NME5: variants seen among roughly 807,000 people sequenced by gnomAD.
NME5 encodes the protein NME/NM23 family member 5, also known as nucleoside diphosphate kinase 5.
A neutral mutation model predicts 21.6 loss-of-function variants in NME5; 18 were observed. The ratio of observed to expected loss-of-function variants is 0.83; its 90% CI spans 0.58 to 1.24. The LOEUF (loss-of-function observed/expected upper bound fraction) is 1.24, where lower values mean the gene tolerates loss of function less well. NME5 is among the 50% of genes most tolerant of loss of function. The probability of loss-of-function intolerance (pLI) is 0.00; values close to 1 mark genes in which losing one functional copy is unlikely to be tolerated. For synonymous variants in NME5, 70 were observed against 80.6 expected, an observed-to-expected ratio of 0.87 and a Z score of 0.71; for missense variants, 223 against 255.4, an observed-to-expected ratio of 0.87 and a Z score of 0.86.
At chr5:138,131,092 C>T (rs778479753) in intron 2 of NME5, among the ~76,000 whole-genome samples, 19 of 148,092 alleles carry the variant, frequency 1.3e-4, no homozygotes, top group Non-Finnish European at 2.5e-4. Context: ...TTAGGCCAGG[C>T]GCAGTGACTC....
chr5:138,139,275 A>AG, intron 1 of NME5, 96 bp downstream of exon 1: 2 of 739,572 alleles, frequency 2.7e-6, no homozygotes, highest in Non-Finnish European at 3.3e-6. Context: ...CTCTGTGCAT[A>AG]GGGTCAGGCT....
chr5:138,123,770 GTTTTAT>G (rs1751337176), intron 4 of NME5, among the ~76,000 whole-genome samples: 2 of 152,080 alleles, frequency 1.3e-5, no homozygotes, highest in Admixed American at 1.3e-4. Context: ...TCATGTAACA[GTTTTAT>G]TTTTAGTTTC....
intron 2 of NME5, among the ~76,000 whole-genome samples, chr5:138,134,509 G>T (rs1751645980): frequency 6.6e-6 from 1 of 152,094 alleles, no homozygotes; most frequent in African/African-American, 2.4e-5. Flanking sequence ...CTCTGAAAGT[G>T]CTGGGATTAC....
intron 3 of NME5, 87 bp downstream of exon 3, chr5:138,129,176 A>G: frequency 6.0e-6 from 7 of 1,166,834 alleles, no homozygotes; most frequent in Non-Finnish European, 8.6e-6. Flanking sequence ...TAAAAAAAAA[A>G]TTCCCATTAC....
At chr5:138,124,552 C>T (rs1699051008) in intron 4 of NME5, among the ~76,000 whole-genome samples, 1 of 152,158 alleles carries the variant, frequency 6.6e-6, no homozygotes, top group African/African-American at 2.4e-5. Flanking sequence ...GAGAGGGTCT[C>T]ACTCTGTCAC....
chr5:138,129,045 T>C (rs974394431), intron 3 of NME5, among the ~76,000 whole-genome samples: 4 of 152,186 alleles, frequency 2.6e-5, no homozygotes, highest in African/African-American at 9.7e-5. Context: ...AGACATTCTC[T>C]GTTGCTTTTT....
chr5:138,129,284 G>C lies in NME5; in HGVS notation c.314C>G (p.Ala105Gly). 6.2e-7 allele frequency: 1 copy of C among 1,612,154 alleles called. No individual in the cohort carries two copies. The highest frequency in any genetic ancestry group is 1.1e-5 in the South Asian group (1 of 91,040). ...ELLGPNNSLV[A>G]KETHPDSLRA... ...TTACCTGTCTGGATGTGTCTCCTTC[G>C]CTACTAAGCTATTATTTGGTCCCAA... The change falls in exon 3 of 6, where the codon GCG becomes GGG. Residue 105 changes from alanine to glycine, a missense_variant. Coordinates refer to ENST00000265191, the MANE Select transcript of NME5 (RefSeq NM_003551.3).
chr5:138,119,682 A>G (rs1751241205), intron 4 of NME5, among the ~76,000 whole-genome samples: 1 of 146,358 alleles, frequency 6.8e-6, no homozygotes. Flanking sequence ...TTTGAGACAG[A>G]GTTTCACTCT....
chr5:138,138,984 C>A, intron 1 of NME5, 199 bp from the exon 2 acceptor site: 1 of 463,804 alleles, frequency 2.2e-6, no homozygotes, highest in South Asian at 2.9e-5. Flanking sequence ...CCTACTATGT[C>A]CAAATCGAGC....
At chr5:138,119,509 A>G (rs1473307418) in intron 4 of NME5, among the ~76,000 whole-genome samples, 2 of 151,778 alleles carry the variant, frequency 1.3e-5, no homozygotes, top group Non-Finnish European at 2.9e-5. Flanking sequence ...TAATTTCTGT[A>G]TTTTTAGTAG....
rs532485274 is a variant in NME5 at position 138,119,426 on chromosome 5, G to C, written c.437-490C>G. Among the ~76,000 whole-genome samples the C allele has an allele frequency of 8.6e-5, 13 of 151,710 alleles. No homozygotes were observed. The South Asian group carries it at 2.1e-3, about 24-fold the overall frequency. ...TCGGCCAGGCTGGTCTCAAACTCCT[G>C]ATCTAAGGTAATCCTCCTGTCTCGG... On this transcript the variant is annotated intron_variant, in intron 4 of 5. Coordinates refer to ENST00000265191, the MANE Select transcript of NME5 (RefSeq NM_003551.3).
intron 2 of NME5, among the ~76,000 whole-genome samples, chr5:138,135,602 T>C (rs568082258): frequency 6.6e-6 from 1 of 152,110 alleles, no homozygotes; most frequent in Admixed American, 6.5e-5. Context: ...CCCAAAGTGC[T>C]GGGTTTACAG....
At chr5:138,120,678 TTTC>T (rs1282790430) in intron 4 of NME5, among the ~76,000 whole-genome samples, 10 of 152,224 alleles carry the variant, frequency 6.6e-5, no homozygotes. Flanking sequence ...TTACAAAGAT[TTTC>T]TTGTTTTCTT....
chr5:138,138,909 TTTA>T (rs1751793850), intron 1 of NME5, 124 bp from the exon 2 acceptor site: 14 of 860,850 alleles, frequency 1.6e-5, no homozygotes, highest in Non-Finnish European at 2.5e-5. Flanking sequence ...GGTACTTGAT[TTTA>T]TTAACTGATG....
chr5:138,127,001 G>A (rs1452647625), intron 4 of NME5, among the ~76,000 whole-genome samples: 1 of 152,034 alleles, frequency 6.6e-6, no homozygotes, highest in Non-Finnish European at 1.5e-5. Context: ...TCACTTGTAA[G>A]ACTAATATAA....
intron 4 of NME5, among the ~76,000 whole-genome samples, chr5:138,125,802 C>T (rs1751403411): frequency 6.6e-6 from 1 of 152,118 alleles, no homozygotes; most frequent in South Asian, 2.1e-4. Flanking sequence ...TTAGTAGAGA[C>T]AGGGTTTTAC....
At chr5:138,137,584 G>A (rs1474291008) in intron 2 of NME5, among the ~76,000 whole-genome samples, 2 of 151,258 alleles carry the variant, frequency 1.3e-5, no homozygotes, top group African/African-American at 2.4e-5. Context: ...CCAAAGTGCT[G>A]GGATTACAGG....
chr5:138,126,166 C>T (rs1751419677), intron 4 of NME5, among the ~76,000 whole-genome samples: 1 of 152,188 alleles, frequency 6.6e-6, no homozygotes, highest in African/African-American at 2.4e-5. Flanking sequence ...TCTCTAAACT[C>T]ATGCCTAGCG....
intron 4 of NME5, among the ~76,000 whole-genome samples, chr5:138,119,796 TCA>T (rs1751243024): frequency 6.6e-6 from 1 of 151,560 alleles, no homozygotes; most frequent in Admixed American, 6.6e-5. Context: ...AGAACCAGCC[TCA>T]GTTTTCAGTT....
Sources: allele counts gnomAD v4.1 joint callset (sites outside exome capture counted in the v4.1 genomes callset), GRCh38; gene constraint gnomAD v4.1.1; transcripts MANE v1.5; gene names NCBI Gene and HGNC (gene_info 2026-07-23, HGNC 2026-07-21).